The following ERC1 variants were observed in gnomAD, a reference collection of about 807,000 sequenced individuals.
ERC1 encodes the protein ELKS/RAB6-interacting/CAST family member 1, also known as RAB6 interacting protein 2.
In ERC1, 56 loss-of-function variants were observed where a neutral mutation model predicts 132.0. The ratio of observed to expected loss-of-function variants is 0.42; its 90% confidence interval spans 0.34 to 0.53. ERC1 has a LOEUF of 0.53. Among genes scored for constraint, ERC1 ranks in the 20% least tolerant of loss-of-function variants. The pLI, the probability that ERC1 is intolerant of heterozygous loss-of-function variation, is 0.03. For synonymous variants in ERC1, 478 were observed against 476.1 expected, an observed-to-expected ratio of 1.00 and a Z score of -0.05; for missense variants, 1,202 against 1,349.9, an observed-to-expected ratio of 0.89 and a Z score of 1.72.
At chr12:1,168,152 A>T (rs1474550090) in intron 8 of ERC1, among the ~76,000 whole-genome samples, 1 of 152,080 alleles carries the variant, frequency 6.6e-6, no homozygotes, top group Non-Finnish European at 1.5e-5. Context: ...ACAGGGTCTC[A>T]TTCTGTCACC....
chr12:1,476,832 T>C (rs555804600), intron 18 of ERC1, among the ~76,000 whole-genome samples: 41 of 152,350 alleles, frequency 2.7e-4, no homozygotes, highest in Non-Finnish European at 5.0e-4. Context: ...TTAATATTTA[T>C]AGTAATGAAA....
chr12:1,261,614 T>TC (rs1322634751), intron 13 of ERC1, among the ~76,000 whole-genome samples: 1 of 152,196 alleles, frequency 6.6e-6, no homozygotes, highest in African/African-American at 2.4e-5. Context: ...ACTGTGCTGC[T>TC]CATGGCAAGT....
intron 15 of ERC1, among the ~76,000 whole-genome samples, chr12:1,290,449 A>T (rs143596267): frequency 6.6e-6 from 1 of 152,348 alleles, no homozygotes; most frequent in African/African-American, 2.4e-5. Flanking sequence ...AAGATTCAGT[A>T]GTTACCATTT....
intron 3 of ERC1, among the ~76,000 whole-genome samples, chr12:1,093,915 A>G (rs973528050): frequency 1.8e-4 from 26 of 141,362 alleles, no homozygotes; most frequent in Non-Finnish European, 3.4e-4. Flanking sequence ...ATATTTTTCT[A>G]TATATAAATG....
intron 16 of ERC1, among the ~76,000 whole-genome samples, chr12:1,395,538 A>G (rs2090459334): frequency 6.6e-6 from 1 of 152,176 alleles, no homozygotes; most frequent in African/African-American, 2.4e-5. Context: ...CATATGGGAA[A>G]GTGCTAAATA....
chr12:1,433,412 CTGG>C (rs1417820951), intron 17 of ERC1, among the ~76,000 whole-genome samples: 2 of 152,170 alleles, frequency 1.3e-5, no homozygotes, highest in Non-Finnish European at 2.9e-5. Flanking sequence ...ATGCTTTCTT[CTGG>C]TGTACAGAAA....
chr12:1,119,242 T>C (rs1415392702), intron 7 of ERC1, among the ~76,000 whole-genome samples: 1 of 147,080 alleles, frequency 6.8e-6, no homozygotes, highest in East Asian at 2.0e-4. Context: ...GATCTGTTTG[T>C]TTTTTGTTTT....
At chr12:1,195,585 G>A (rs1234841296) in intron 12 of ERC1, among the ~76,000 whole-genome samples, 1 of 152,196 alleles carries the variant, frequency 6.6e-6, no homozygotes, top group Non-Finnish European at 1.5e-5. Context: ...AGACTTGCAA[G>A]AAGAAAGATG....
At chr12:1,337,887 T>TTTC (rs1258712662) in intron 15 of ERC1, among the ~76,000 whole-genome samples, 1 of 152,162 alleles carries the variant, frequency 6.6e-6, no homozygotes, top group African/African-American at 2.4e-5. Flanking sequence ...GCTTGTAGGG[T>TTTC]TTCTGCTGAG....
chr12:1,201,177 A>G (rs979012949), intron 12 of ERC1, among the ~76,000 whole-genome samples: 3 of 151,524 alleles, frequency 2.0e-5, no homozygotes, highest in Non-Finnish European at 4.4e-5. Flanking sequence ...TGTCACAATG[A>G]AATGCCATTT....
intron 2 of ERC1, among the ~76,000 whole-genome samples, chr12:1,053,816 A>G (rs1972462511): frequency 6.6e-6 from 1 of 152,194 alleles, no homozygotes; most frequent in African/African-American, 2.4e-5. Flanking sequence ...CAGGTAGTAG[A>G]AGACAGATGA....
intron 15 of ERC1, among the ~76,000 whole-genome samples, chr12:1,343,143 G>A (rs964265303): frequency 6.6e-6 from 1 of 152,176 alleles, no homozygotes; most frequent in African/African-American, 2.4e-5. Context: ...ACTTAAAGCA[G>A]GCTTTACAGC....
At chr12:1,408,669 A>C (rs1232147348) in intron 17 of ERC1, among the ~76,000 whole-genome samples, 1 of 152,230 alleles carries the variant, frequency 6.6e-6, no homozygotes, top group African/African-American at 2.4e-5. Flanking sequence ...TTTAGTTGCA[A>C]ATTATGAACT....
chr12:1,488,156 A>AG (rs1190397548), intron 18 of ERC1, among the ~76,000 whole-genome samples: 6,191 of 151,244 alleles, frequency 0.041, 454 homozygotes, highest in African/African-American at 0.14. Context: ...AAAAAAAAAA[A>AG]AAAAAAGATA....
At chr12:1,328,556 C>T (rs938232525) in intron 15 of ERC1, among the ~76,000 whole-genome samples, 4 of 143,816 alleles carry the variant, frequency 2.8e-5, no homozygotes, top group Admixed American at 6.6e-5. Context: ...GTTGAAGGTT[C>T]CCCATAATCT....
intron 2 of ERC1, among the ~76,000 whole-genome samples, chr12:1,060,876 C>A (rs1282178496): frequency 6.6e-6 from 1 of 150,466 alleles, no homozygotes; most frequent in African/African-American, 2.4e-5. Context: ...CAGGTGCCCA[C>A]CACCACGCCT....
At chr12:1,047,397 C>G in intron 2 of ERC1, among the ~76,000 whole-genome samples, 1 of 151,846 alleles carries the variant, frequency 6.6e-6, no homozygotes, top group South Asian at 2.1e-4. Flanking sequence ...CCCCCACCCC[C>G]CAAAAAAAGC....
chr12:1,374,824 A>ATTTTTTTTTTTTTTTTT (rs5795968), intron 16 of ERC1, among the ~76,000 whole-genome samples: 3 of 124,580 alleles, frequency 2.4e-5, no homozygotes, highest in Non-Finnish European at 3.3e-5. Context: ...ACAGGCTGGG[A>ATTTTTTTTTTTTTTTTT]TTTTTTTTTT....
intron 17 of ERC1, among the ~76,000 whole-genome samples, chr12:1,422,543 A>G (rs939746996): frequency 1.3e-5 from 2 of 151,218 alleles, no homozygotes; most frequent in Non-Finnish European, 3.0e-5. Flanking sequence ...TTTTTTTTTT[A>G]ATCACTAAAT....
Sources: allele counts gnomAD v4.1 joint callset (sites outside exome capture counted in the v4.1 genomes callset), GRCh38; gene constraint gnomAD v4.1.1; transcripts MANE v1.5; gene names NCBI Gene and HGNC (gene_info 2026-07-23, HGNC 2026-07-21).